LRRTM3: variants seen among roughly 807,000 people sequenced by gnomAD.
The protein encoded by LRRTM3 is leucine-rich repeat transmembrane neuronal protein 3.
Under a neutral mutation model 44.7 loss-of-function variants are expected in LRRTM3, and 24 were observed. The observed-to-expected ratio is 0.54, with a 90% CI of 0.39 to 0.76. LRRTM3 has a LOEUF of 0.76. Ranked by LOEUF, LRRTM3 falls within the 30% of genes least tolerant of loss-of-function variation. The pLI is 0.00. For synonymous variants in LRRTM3, 277 were observed against 278.7 expected, an observed-to-expected ratio of 0.99 and a Z score of 0.06; for missense variants, 587 against 702.2, an observed-to-expected ratio of 0.84 and a Z score of 1.85.
rs182657690 is a variant in LRRTM3 at position 67,100,223 on chromosome 10, T to G, written c.*2427T>G. Reference sequence around the variant, plus strand: ...TTCTTTCTTAAATATTTTAAATTCATCTAAAGTGAACGACTATAAATAGAA... The same window carrying G: ...TTCTTTCTTAAATATTTTAAATTCAGCTAAAGTGAACGACTATAAATAGAA... On this transcript the variant is annotated 3_prime_UTR_variant, in exon 3 of 3. Transcript: ENST00000361320. 1.3e-5 allele frequency among the ~76,000 whole-genome samples: 2 copies of G among 151,702 alleles called. No individual in the cohort carries two copies. Among genetic ancestry groups the G allele is most frequent in the Non-Finnish European group, 3.0e-5 (2 of 67,784 alleles).
chr10:66,977,293 G>A (rs1209551528), intron 2 of LRRTM3, among the ~76,000 whole-genome samples: 1 of 152,056 alleles, frequency 6.6e-6, no homozygotes, highest in Non-Finnish European at 1.5e-5. Context: ...AAAATTAGCT[G>A]GGTGTGGTGG....
chr10:67,051,439 C>T (rs753460890), intron 2 of LRRTM3, among the ~76,000 whole-genome samples: 9 of 148,414 alleles, frequency 6.1e-5, no homozygotes, highest in Non-Finnish European at 1.0e-4. Flanking sequence ...TTTCCTTACA[C>T]ATCTTTTTTC....
chr10:67,058,827 T>C (rs899569803), intron 2 of LRRTM3, among the ~76,000 whole-genome samples: 1 of 152,200 alleles, frequency 6.6e-6, no homozygotes, highest in Admixed American at 6.5e-5. Context: ...TAGGCTGTTT[T>C]CTAATGATTC....
intron 2 of LRRTM3, among the ~76,000 whole-genome samples, chr10:66,954,135 T>C (rs957085712): frequency 3.0e-4 from 45 of 152,310 alleles, no homozygotes; most frequent in African/African-American, 7.5e-4. Flanking sequence ...CAGCCTCTTC[T>C]AAACATAAAA....
intron 2 of LRRTM3, among the ~76,000 whole-genome samples, chr10:66,955,494 G>A (rs938959849): frequency 3.3e-5 from 5 of 152,058 alleles, no homozygotes; most frequent in African/African-American, 9.7e-5. Flanking sequence ...CTAAGAAGTC[G>A]AGGGAGACAG....
At chr10:67,043,537 C>T (rs1173889643) in intron 2 of LRRTM3, among the ~76,000 whole-genome samples, 1 of 152,076 alleles carries the variant, frequency 6.6e-6, no homozygotes, top group Non-Finnish European at 1.5e-5. Flanking sequence ...ATTTCTCTGC[C>T]TAATGTGATG....
intron 2 of LRRTM3, among the ~76,000 whole-genome samples, chr10:67,002,382 A>C (rs959118991): frequency 1.3e-5 from 2 of 152,184 alleles, no homozygotes; most frequent in African/African-American, 4.8e-5. Context: ...ACATATTGAA[A>C]GGCTTTCTGT....
At chr10:66,974,042 T>C (rs1469082525) in intron 2 of LRRTM3, among the ~76,000 whole-genome samples, 1 of 152,196 alleles carries the variant, frequency 6.6e-6, no homozygotes, top group East Asian at 1.9e-4. Flanking sequence ...CAAATCAAGA[T>C]ATAAGAAAAT....
At chr10:67,001,551 A>C (rs1851694638) in intron 2 of LRRTM3, among the ~76,000 whole-genome samples, 1 of 152,012 alleles carries the variant, frequency 6.6e-6, no homozygotes, top group African/African-American at 2.4e-5. Context: ...AAACTTTCTA[A>C]TTATTTTAAA....
chr10:67,020,523 T>A (rs1365510530), intron 2 of LRRTM3, among the ~76,000 whole-genome samples: 2 of 152,190 alleles, frequency 1.3e-5, no homozygotes. Context: ...TTCACAATAG[T>A]CTTAAGTTTA....
At position 66,947,257 on chromosome 10, in the gene LRRTM3, C is replaced by T. The variant is rs1848318807; in HGVS notation, c.1536+18805C>T. ...GAGGACCAATTACTCTCTGATTACT[C>T]TCTAATGGGGTATCTTGTACAGATG... On this transcript the variant is annotated intron_variant, in intron 2 of 2. Coordinates refer to ENST00000361320, the MANE Select transcript of LRRTM3 (RefSeq NM_178011.5). Among the ~76,000 whole-genome samples, 5 of 152,302 alleles carry T rather than the reference C, an allele frequency of 3.3e-5. No individual in the cohort carries two copies. The South Asian group carries it at 1.0e-3, about 32-fold the overall frequency.
chr10:67,026,738 T>C (rs75079006), intron 2 of LRRTM3, among the ~76,000 whole-genome samples: 16,835 of 152,208 alleles, frequency 0.11, 1,169 homozygotes, highest in South Asian at 0.29. Context: ...TTAAAACCTC[T>C]TCTGTCTGGT....
At chr10:67,043,823 T>C (rs886347363) in intron 2 of LRRTM3, among the ~76,000 whole-genome samples, 3 of 152,144 alleles carry the variant, frequency 2.0e-5, no homozygotes, top group African/African-American at 7.2e-5. Context: ...ATAATTATGA[T>C]ACAGTGAGGA....
intron 2 of LRRTM3, among the ~76,000 whole-genome samples, chr10:66,977,380 G>A (rs1850108673): frequency 6.6e-6 from 1 of 151,388 alleles, no homozygotes; most frequent in Non-Finnish European, 1.5e-5. Context: ...AGGTTGCAGT[G>A]AGCCAAGATC....
chr10:67,077,851 C>T (rs943990358), intron 2 of LRRTM3, among the ~76,000 whole-genome samples: 1 of 151,602 alleles, frequency 6.6e-6, no homozygotes, highest in South Asian at 2.1e-4. Context: ...TAATAAGAGA[C>T]AAAATTAATA....
At chr10:67,051,127 A>C (rs1320886729) in intron 2 of LRRTM3, among the ~76,000 whole-genome samples, 3 of 152,222 alleles carry the variant, frequency 2.0e-5, no homozygotes, top group Non-Finnish European at 4.4e-5. Context: ...CAATGCCACA[A>C]AGCCAAAATC....
intron 2 of LRRTM3, among the ~76,000 whole-genome samples, chr10:67,040,569 T>C (rs1172496289): frequency 1.3e-5 from 2 of 152,100 alleles, no homozygotes; most frequent in Admixed American, 6.6e-5. Flanking sequence ...CTTCTGAAAA[T>C]ATAAGATGGA....
chr10:66,944,692 C>T (rs1848192844), intron 2 of LRRTM3, among the ~76,000 whole-genome samples: 1 of 152,050 alleles, frequency 6.6e-6, no homozygotes, highest in South Asian at 2.1e-4. Context: ...AATTATCATC[C>T]AAGACAGCAA....
rs1476477144 is a variant in LRRTM3 at position 67,097,825 on chromosome 10, A to G, written c.*29A>G. 1.9e-6 allele frequency: 3 copies of G among 1,605,872 alleles called. No homozygotes were observed. The highest frequency in any genetic ancestry group is 2.6e-6 in the Non-Finnish European group (3 of 1,173,320). ...AGATCATTGGTAGCCAGGGGTTGCT[A>G]CCAAACTTTGTAACCTCAAGGACAA... On this transcript the variant is annotated 3_prime_UTR_variant, in exon 3 of 3. Transcript: ENST00000361320.
Sources: gnomAD v4.1 joint callset for allele counts (sites outside exome capture counted in the v4.1 genomes callset) on GRCh38, gnomAD v4.1.1 for gene constraint, MANE v1.5 for transcripts, NCBI Gene and HGNC (gene_info 2026-07-23, HGNC 2026-07-21) for gene names.